Variants in RAPGEF4 observed in about 807,000 individuals in gnomAD.
The protein encoded by RAPGEF4 is Rap guanine nucleotide exchange factor 4.
Under a neutral mutation model 147.9 loss-of-function variants are expected in RAPGEF4, and 66 were observed. The ratio of observed to expected loss-of-function variants is 0.45; its 90% CI spans 0.37 to 0.55. RAPGEF4 has a LOEUF of 0.55. Among genes scored for constraint, RAPGEF4 ranks in the 20% least tolerant of loss-of-function variants. The pLI is 0.00. For synonymous variants in RAPGEF4, 419 were observed against 442.7 expected (o/e 0.95, Z 0.67); for missense variants, 1,071 against 1,257.3 (o/e 0.85, Z 2.24).
rs2105492145 is a variant in RAPGEF4 at position 172,965,357 on chromosome 2, T to C, written c.699-205T>C. 3 of 623,524 alleles carry C rather than the reference T, an allele frequency of 4.8e-6. No homozygotes were observed. The East Asian group carries it at 7.8e-5, about 16-fold the overall frequency. 38.6% of individuals were successfully genotyped at this position (623,524 alleles called of 1,614,324 possible). A position where few individuals can be genotyped will look rare whatever the true frequency, so the allele number is the denominator to read the frequency against. ...TCATTTAACCAGCCTTGCTTTAAAGTTCTCTCATGAGCTGAGTGGCTTTTT... is the reference window on the plus strand; with the variant it reads ...TCATTTAACCAGCCTTGCTTTAAAGCTCTCTCATGAGCTGAGTGGCTTTTT... On this transcript the variant is annotated intron_variant, in intron 8 of 30. Transcript: ENST00000397081.
chr2:172,855,309 CT>C (rs1166153944), intron 4 of RAPGEF4, among the ~76,000 whole-genome samples: 1 of 152,118 alleles, frequency 6.6e-6, no homozygotes, highest in Non-Finnish European at 1.5e-5. Flanking sequence ...AATACTGAAC[CT>C]GGAAATGGTA....
chr2:172,895,172 G>T (rs570551060), intron 4 of RAPGEF4, among the ~76,000 whole-genome samples: 7 of 152,248 alleles, frequency 4.6e-5, no homozygotes, highest in African/African-American at 1.7e-4. Flanking sequence ...TAATCTTTTA[G>T]AGACAACAGC....
chr2:172,883,797 C>T (rs1696879488), intron 4 of RAPGEF4, among the ~76,000 whole-genome samples: 1 of 151,990 alleles, frequency 6.6e-6, no homozygotes, highest in Admixed American at 6.6e-5. Context: ...CACAGAAAGC[C>T]CAACCCAAAT....
intron 4 of RAPGEF4, among the ~76,000 whole-genome samples, chr2:172,817,841 T>C (rs1688653847): frequency 6.7e-6 from 1 of 148,856 alleles, no homozygotes; most frequent in African/African-American, 2.5e-5. Context: ...CCAACTCAAA[T>C]GCCCATCATT....
chr2:172,987,340 T>G (rs1426500276), intron 12 of RAPGEF4, among the ~76,000 whole-genome samples: 1 of 152,098 alleles, frequency 6.6e-6, no homozygotes, highest in Non-Finnish European at 1.5e-5. Flanking sequence ...ACAACTACAC[T>G]TGAAGACCCT....
At chr2:173,008,335 A>G (rs577422568) in intron 17 of RAPGEF4, among the ~76,000 whole-genome samples, 1 of 152,248 alleles carries the variant, frequency 6.6e-6, no homozygotes, top group South Asian at 2.1e-4. Context: ...TACCCACTTT[A>G]CCAGGTTGTT....
chr2:172,864,676 G>C (rs1490524372), intron 4 of RAPGEF4, among the ~76,000 whole-genome samples: 1 of 152,228 alleles, frequency 6.6e-6, no homozygotes, highest in African/African-American at 2.4e-5. Context: ...GGCTGAGGTG[G>C]GTGGATCACT....
intron 10 of RAPGEF4, among the ~76,000 whole-genome samples, chr2:172,977,235 A>G (rs1691169769): frequency 6.6e-6 from 1 of 152,054 alleles, no homozygotes; most frequent in South Asian, 2.1e-4. Flanking sequence ...GGACCCTTTC[A>G]TTACTGTTTG....
intron 22 of RAPGEF4, 86 bp downstream of exon 22, chr2:173,018,888 G>C: frequency 1.4e-6 from 2 of 1,433,420 alleles, no homozygotes; most frequent in Non-Finnish European, 1.9e-6. Context: ...GCGTGGTCAT[G>C]TGAGGCTCAC....
chr2:172,818,321 A>C (rs1198213250), intron 4 of RAPGEF4, among the ~76,000 whole-genome samples: 1 of 152,180 alleles, frequency 6.6e-6, no homozygotes, highest in East Asian at 1.9e-4. Flanking sequence ...CCATTCCCCA[A>C]AAACCTATTG....
intron 10 of RAPGEF4, among the ~76,000 whole-genome samples, chr2:172,977,583 C>G (rs1031189054): frequency 5.9e-5 from 9 of 152,010 alleles, no homozygotes; most frequent in African/African-American, 9.7e-5. Context: ...AACACTGAGC[C>G]CCCACTAGGG....
intron 1 of RAPGEF4, among the ~76,000 whole-genome samples, chr2:172,768,737 A>G (rs1697082585): frequency 6.6e-6 from 1 of 152,242 alleles, no homozygotes; most frequent in South Asian, 2.1e-4. Flanking sequence ...ACATTAAAAT[A>G]TCTGTGGCCT....
At chr2:172,944,974 G>GT (rs372914968) in intron 6 of RAPGEF4, among the ~76,000 whole-genome samples, 44 of 151,338 alleles carry the variant, frequency 2.9e-4, no homozygotes, top group African/African-American at 3.4e-4. Context: ...ATTATTGTGG[G>GT]TTTTTTTTTC....
chr2:172,985,334 C>G (rs1692132290), intron 11 of RAPGEF4, 99 bp from the exon 12 acceptor site: 3 of 1,551,614 alleles, frequency 1.9e-6, no homozygotes, highest in Middle Eastern at 1.7e-4. Context: ...CATGGGAAGC[C>G]CCGGGACAGT....
intron 1 of RAPGEF4, among the ~76,000 whole-genome samples, chr2:172,741,305 A>G (rs920589184): frequency 3.9e-5 from 6 of 152,304 alleles, no homozygotes; most frequent in Admixed American, 1.3e-4. Context: ...TATTTTATTC[A>G]TCATTTTATC....
chr2:173,009,491 G>C (rs1213925171), intron 17 of RAPGEF4, among the ~76,000 whole-genome samples: 1 of 152,080 alleles, frequency 6.6e-6, no homozygotes, highest in Non-Finnish European at 1.5e-5. Flanking sequence ...TACAGTTTAA[G>C]TATTCCTAAT....
chr2:173,001,399 T>C, intron 17 of RAPGEF4, 55 bp downstream of exon 17: 1 of 1,607,256 alleles, frequency 6.2e-7, no homozygotes, highest in Non-Finnish European at 8.5e-7. Context: ...ACCCCCCCTA[T>C]CGAGGGCCAT....
intron 10 of RAPGEF4, among the ~76,000 whole-genome samples, chr2:172,974,338 T>C (rs541823456): frequency 3.9e-5 from 6 of 152,096 alleles, no homozygotes; most frequent in Non-Finnish European, 7.4e-5. Context: ...GACTCATGGG[T>C]TTATGCTTTG....
chr2:172,849,077 T>C (rs1225460837), intron 4 of RAPGEF4, among the ~76,000 whole-genome samples: 1 of 150,974 alleles, frequency 6.6e-6, no homozygotes, highest in Non-Finnish European at 1.5e-5. Flanking sequence ...AGCTTTTCTT[T>C]TTTTTTTTTT....
Sources: gnomAD v4.1 joint callset for allele counts (sites outside exome capture counted in the v4.1 genomes callset) on GRCh38, gnomAD v4.1.1 for gene constraint, MANE v1.5 for transcripts, NCBI Gene and HGNC (gene_info 2026-07-23, HGNC 2026-07-21) for gene names.